The following RANGAP1 variants were observed in gnomAD, a reference collection of about 807,000 sequenced individuals.
The protein encoded by RANGAP1 is Ran GTPase activating protein 1.
RANGAP1 carries 38 observed loss-of-function variants against 63.5 expected under a neutral mutation model. That is an observed-to-expected ratio of 0.60 (90% CI 0.46 to 0.78). The LOEUF (loss-of-function observed/expected upper bound fraction) is 0.78. RANGAP1 is among the 30% of genes least tolerant of loss of function. RANGAP1 has a pLI of 0.00. For missense variants in RANGAP1, 630 were observed against 740.3 expected (o/e 0.85, Z 1.73); for synonymous variants, 329 against 310.5 (o/e 1.06, Z -0.63).
chr22:41,274,492 G>C lies in RANGAP1; in HGVS notation c.240+108C>G, dbSNP rs2035024249. ...AGGAAGAGGAGCTGCTTGGGGTACA[G>C]CCACACAGGCAGGGGCCTGGAAGAG... is the stretch of plus-strand genomic sequence containing the variant. On this transcript the variant is annotated intron_variant, in intron 3 of 15. Transcript: ENST00000356244. 4 of 1,506,704 alleles carry C rather than the reference G, an allele frequency of 2.7e-6. No homozygotes were observed. The Admixed American group carries it at 7.8e-5, about 29-fold the overall frequency. The allele number at this position is 1,506,704 out of a possible 1,614,324, so 93.3% of individuals were successfully genotyped here.
intron 4 of RANGAP1, among the ~76,000 whole-genome samples, chr22:41,267,542 CTCTT>C (rs1248202422): frequency 6.6e-6 from 1 of 152,196 alleles, no homozygotes; most frequent in Non-Finnish European, 1.5e-5. Flanking sequence ...TCTGTGTTGC[CTCTT>C]TCTATTTCCT....
rs145582269 is a variant in RANGAP1, at chr22:41,268,081, C to G, written c.300+16G>C. The G allele has an allele frequency of 3.4e-4, 514 of 1,530,888 alleles. 2 individuals are homozygous for G. The African/African-American group carries it at 6.1e-3, about 18-fold the overall frequency. The allele number at this position is 1,530,888 out of a possible 1,614,324, so 94.8% of individuals were successfully genotyped here. On this transcript the variant is annotated intron_variant, in intron 4 of 15. Transcript: ENST00000356244. ...GGGCCTTGCGCGTGGAGGGGAAGAG[C>G]GGCTAGTTCGCTTACCAGGGCTGGT... is the stretch of plus-strand genomic sequence containing the variant.
chr22:41,277,576 C>A, intron 2 of RANGAP1: 20 of 1,074,024 alleles, frequency 1.9e-5, no homozygotes, highest in Non-Finnish European at 2.3e-5. Context: ...TGAACTTGAC[C>A]TTCTGGTCAA....
Position 41,257,305 on chromosome 22 carries a change from C to G in RANGAP1, c.775-481G>C, listed in dbSNP as rs1288413019. Among the ~76,000 whole-genome samples the G allele has an allele frequency of 2.6e-5, 4 of 152,184 alleles. No homozygotes were observed. The highest frequency in any genetic ancestry group is 9.7e-5 in the African/African-American group (4 of 41,448). The stretch of plus-strand genomic sequence containing the variant: ...CTGTGGGGCCACGGGACCCTGGCAG[C>G]CAAGAAGCCACTGCGTTCAGAGCCC... On this transcript the variant is annotated intron_variant, in intron 7 of 15. Coordinates refer to ENST00000356244, the MANE Select transcript of RANGAP1 (RefSeq NM_002883.4). This position sits in a 1 kb window ranked among gnomAD's most constrained non-coding sequence, Gnocchi z 4.0.
In RANGAP1 at chr22:41,252,309, T is replaced by A. The variant is rs376190391; in HGVS notation, c.1380+563A>T. Among the ~76,000 whole-genome samples, 715 of 151,584 alleles carry A rather than the reference T, an allele frequency of 4.7e-3. 8 individuals carry two copies. The highest frequency in any genetic ancestry group is 0.015 in the African/African-American group (627 of 41,434). On this transcript the variant is annotated intron_variant, in intron 12 of 15. Coordinates refer to ENST00000356244, the MANE Select transcript of RANGAP1 (RefSeq NM_002883.4). Reference sequence around the variant, plus strand: ...AGAGTGAGACTCCATCTCAAAAAAATAAATAAATAAATAAATAATAAAATA... The same window carrying A: ...AGAGTGAGACTCCATCTCAAAAAAAAAAATAAATAAATAAATAATAAAATA...
At chr22:41,285,848 T>C (rs1011064610) in intron 1 of RANGAP1, 138 bp downstream of exon 1, 13 of 406,652 alleles carry the variant, frequency 3.2e-5, no homozygotes, top group Non-Finnish European at 4.3e-5. Context: ...CCGCCACCCC[T>C]GGGGCGCTCG....
intron 2 of RANGAP1, among the ~76,000 whole-genome samples, chr22:41,276,763 G>GTCAGGAGT (rs1472423610): frequency 6.6e-6 from 1 of 151,856 alleles, no homozygotes; most frequent in Non-Finnish European, 1.5e-5. Flanking sequence ...GGATCGTGAG[G>GTCAGGAGT]TCAGGAGTTC....
intron 15 of RANGAP1, among the ~76,000 whole-genome samples, chr22:41,248,569 C>T (rs945407777): frequency 6.6e-6 from 1 of 152,230 alleles, no homozygotes; most frequent in Admixed American, 6.5e-5. Flanking sequence ...CCCCGGATGG[C>T]GCCGACTGAC....
the RANGAP1 span, among the ~76,000 whole-genome samples, chr22:41,294,342 G>C: frequency 6.6e-6 from 1 of 152,048 alleles, no homozygotes; most frequent in African/African-American, 2.4e-5. Flanking sequence ...ACGGAGTCTC[G>C]TTCACTCAGT....
chr22:41,274,452 C>T, intron 3 of RANGAP1, 148 bp downstream of exon 3: 3 of 1,205,616 alleles, frequency 2.5e-6, no homozygotes, highest in Non-Finnish European at 1.1e-6. Flanking sequence ...ATGCTGTGTG[C>T]CCTGGGGAGG....
intron 1 of RANGAP1, chr22:41,285,584 G>C (rs1003817553): frequency 1.0e-6 from 1 of 985,346 alleles, no homozygotes; most frequent in Admixed American, 6.1e-5. Flanking sequence ...GGGCCCCCGC[G>C]GGCGTGGGCC....
Position 41,254,342 on chromosome 22 carries a change from G to A in RANGAP1, c.1226C>T (p.Thr409Met), listed in dbSNP as rs140617608. 6.7e-5 allele frequency: 108 copies of A among 1,614,028 alleles called. No homozygotes were observed. The highest frequency in any genetic ancestry group is 8.0e-5 in the African/African-American group (6 of 74,910). Reference sequence around the variant, plus strand: ...AGGGTCCAGAATCTTCCGTGAGGGCGTGGCTGACTTCTCTCCCTGCCCTCG... The same window carrying A: ...AGGGTCCAGAATCTTCCGTGAGGGCATGGCTGACTTCTCTCCCTGCCCTCG... ...QQRGQGEKSA[T>M]PSRKILDPNT... is the part of the protein sequence containing the mutation. The change falls in exon 11 of 16, where the codon ACG becomes ATG. Residue 409 changes from threonine to methionine, a missense_variant. This residue lies in a region of RANGAP1 where 428 missense variants were observed against 465.5 expected (regional missense o/e 0.92). Coordinates refer to ENST00000356244, the MANE Select transcript of RANGAP1 (RefSeq NM_002883.4).
At chr22:41,300,810 A>G in the RANGAP1 span, among the ~76,000 whole-genome samples, 1 of 152,028 alleles carries the variant, frequency 6.6e-6, no homozygotes, top group Non-Finnish European at 1.5e-5. Context: ...ATTTTCCACC[A>G]TTCCCCAGGT....
intron 2 of RANGAP1, among the ~76,000 whole-genome samples, chr22:41,278,635 A>G (rs951533131): frequency 1.9e-4 from 29 of 152,248 alleles, no homozygotes; most frequent in African/African-American, 7.0e-4. Context: ...TAGCTCTGCT[A>G]TTTATCAAAT....
the RANGAP1 span, among the ~76,000 whole-genome samples, chr22:41,296,705 C>G: frequency 6.6e-6 from 1 of 151,112 alleles, no homozygotes. Flanking sequence ...ATAACTCAGT[C>G]CTTGCAGTGA....
intron 13 of RANGAP1, 114 bp from the exon 14 acceptor site, chr22:41,249,931 G>C (rs2033325209): frequency 2.3e-6 from 2 of 886,984 alleles, no homozygotes; most frequent in Non-Finnish European, 3.6e-6. Flanking sequence ...TCCTCGCCCT[G>C]ACGAAGAGGC....
At chr22:41,279,647 A>T (rs2145841290) in intron 2 of RANGAP1, among the ~76,000 whole-genome samples, 1 of 151,940 alleles carries the variant, frequency 6.6e-6, no homozygotes, top group Non-Finnish European at 1.5e-5. Flanking sequence ...GTCTCAAAAA[A>T]AAAAATTAGC....
chr22:41,284,161 G>A (rs1457836781), intron 1 of RANGAP1, among the ~76,000 whole-genome samples: 1 of 151,298 alleles, frequency 6.6e-6, no homozygotes, highest in African/African-American at 2.4e-5. Flanking sequence ...GCAAGAGAAT[G>A]GCATGAACCC....
At chr22:41,280,661 C>A in intron 2 of RANGAP1, 2 of 1,380,896 alleles carry the variant, frequency 1.4e-6, no homozygotes, top group Non-Finnish European at 1.9e-6. Context: ...CTGGCACTAA[C>A]TGTGGCCCCT....
Sources: gnomAD v4.1 joint callset for allele counts (sites outside exome capture counted in the v4.1 genomes callset) on GRCh38, gnomAD v4.1.1 for gene constraint, gnomAD v4.1.1 regional missense constraint, Gnocchi (gnomAD v3.1) non-coding constraint, MANE v1.5 for transcripts, NCBI Gene and HGNC (gene_info 2026-07-23, HGNC 2026-07-21) for gene names.